The following SNTG1 variants were observed in gnomAD, a reference collection of about 807,000 sequenced individuals.
SNTG1 encodes the protein gamma-1-syntrophin.
In SNTG1, 39 loss-of-function variants were observed where a neutral mutation model predicts 74.7. The observed-to-expected ratio is 0.52, with a 90% confidence interval of 0.40 to 0.68. The LOEUF (loss-of-function observed/expected upper bound fraction) is 0.68. Ranked by LOEUF, SNTG1 falls within the 30% of genes least tolerant of loss-of-function variation. The pLI is 0.00. For synonymous variants in SNTG1, 254 were observed against 217.1 expected (o/e 1.17, Z -1.49); for missense variants, 685 against 609.5 (o/e 1.12, Z -1.30).
chr8:50,433,227 ATTAC>A (rs924597608), intron 4 of SNTG1, among the ~76,000 whole-genome samples: 44 of 152,312 alleles, frequency 2.9e-4, no homozygotes, highest in African/African-American at 9.4e-4. Flanking sequence ...ACTTGCTATA[ATTAC>A]TTACCACTTC....
intron 13 of SNTG1, among the ~76,000 whole-genome samples, chr8:50,656,063 A>T (rs2095178459): frequency 1.3e-5 from 2 of 152,202 alleles, no homozygotes; most frequent in South Asian, 2.1e-4. Context: ...AAAAGAAAAA[A>T]ATATCTAGGA....
At chr8:50,084,327 AGTGGG>A (rs1822680652) in intron 1 of SNTG1, among the ~76,000 whole-genome samples, 1 of 152,046 alleles carries the variant, frequency 6.6e-6, no homozygotes, top group Admixed American at 6.6e-5. Flanking sequence ...CTGGCATGGT[AGTGGG>A]CACCTGTAGT....
chr8:50,389,309 T>A (rs987469565), intron 2 of SNTG1, among the ~76,000 whole-genome samples: 1 of 152,132 alleles, frequency 6.6e-6, no homozygotes, highest in Non-Finnish European at 1.5e-5. Context: ...ATTGCACAAC[T>A]GAGCACATGA....
At chr8:50,443,770 C>T (rs2093379923) in intron 5 of SNTG1, among the ~76,000 whole-genome samples, 1 of 152,122 alleles carries the variant, frequency 6.6e-6, no homozygotes, top group Non-Finnish European at 1.5e-5. Context: ...AAATAAATTA[C>T]CTCAAAACTC....
At chr8:50,185,595 A>G (rs1013010429) in intron 2 of SNTG1, among the ~76,000 whole-genome samples, 2 of 152,348 alleles carry the variant, frequency 1.3e-5, no homozygotes, top group South Asian at 4.1e-4. Context: ...ATAAATGTAT[A>G]TGTGAAAACT....
intron 18 of SNTG1, among the ~76,000 whole-genome samples, chr8:50,777,482 C>CTT (rs1165885106): frequency 1.3e-5 from 2 of 150,328 alleles, no homozygotes; most frequent in Non-Finnish European, 3.0e-5. Flanking sequence ...TCTTTTATTT[C>CTT]TTCCTAGGGT....
intron 13 of SNTG1, among the ~76,000 whole-genome samples, chr8:50,645,607 G>A (rs1463711008): frequency 6.6e-6 from 1 of 152,076 alleles, no homozygotes; most frequent in African/African-American, 2.4e-5. Context: ...CCTCCAGAGA[G>A]AATTTACTTT....
chr8:50,092,540 G>C (rs949221185), intron 1 of SNTG1, among the ~76,000 whole-genome samples: 7 of 152,096 alleles, frequency 4.6e-5, no homozygotes, highest in Admixed American at 4.6e-4. Context: ...TTGGCTTCAG[G>C]ACTCCCTGAT....
At chr8:50,340,462 C>T (rs2130932668) in intron 2 of SNTG1, among the ~76,000 whole-genome samples, 1 of 152,056 alleles carries the variant, frequency 6.6e-6, no homozygotes, top group East Asian at 1.9e-4. Context: ...GCAAAGACCA[C>T]AAAGAAAGGA....
At chr8:50,227,522 T>C (rs1167562089) in intron 2 of SNTG1, among the ~76,000 whole-genome samples, 1 of 152,078 alleles carries the variant, frequency 6.6e-6, no homozygotes, top group East Asian at 1.9e-4. Flanking sequence ...TAAGAGAATA[T>C]CTCTGGAGAA....
intron 1 of SNTG1, among the ~76,000 whole-genome samples, chr8:50,141,243 C>T (rs1166921772): frequency 6.6e-6 from 1 of 152,176 alleles, no homozygotes; most frequent in Non-Finnish European, 1.5e-5. Flanking sequence ...TGCAGGATTG[C>T]TACATCAGAT....
intron 18 of SNTG1, among the ~76,000 whole-genome samples, chr8:50,767,710 G>A (rs2095617248): frequency 6.6e-6 from 1 of 151,906 alleles, no homozygotes; most frequent in Non-Finnish European, 1.5e-5. Flanking sequence ...TAGGCTTACT[G>A]ATATATTCTC....
Position 50,628,503 on chromosome 8 carries a change from G to C in SNTG1, c.850-28406G>C, listed in dbSNP as rs1369250987. Among the ~76,000 whole-genome samples the C allele has an allele frequency of 2.6e-5, 4 of 152,120 alleles. No homozygotes were observed. In the East Asian group the frequency reaches 7.7e-4, roughly 29 times the overall value. On this transcript the variant is annotated intron_variant, in intron 13 of 18. Coordinates refer to ENST00000642720, the MANE Select transcript of SNTG1 (RefSeq NM_018967.5). Reference sequence around the variant, plus strand: ...TTTGCTTCTCTTCCAGAACTGTCATGTTCTAGTCAATCTTTTTACATTTAT... The same window carrying C: ...TTTGCTTCTCTTCCAGAACTGTCATCTTCTAGTCAATCTTTTTACATTTAT...
chr8:50,273,294 T>C (rs1164678202), intron 2 of SNTG1, among the ~76,000 whole-genome samples: 3 of 152,158 alleles, frequency 2.0e-5, no homozygotes, highest in African/African-American at 7.2e-5. Context: ...TCCAAAATGG[T>C]TCAAAATGTT....
At chr8:50,429,916 T>C (rs2093212759) in intron 4 of SNTG1, among the ~76,000 whole-genome samples, 1 of 152,154 alleles carries the variant, frequency 6.6e-6, no homozygotes, top group African/African-American at 2.4e-5. Flanking sequence ...TATACAACTT[T>C]ATATCAATTA....
At chr8:50,090,207 C>T (rs938366845) in intron 1 of SNTG1, among the ~76,000 whole-genome samples, 1 of 152,120 alleles carries the variant, frequency 6.6e-6, no homozygotes, top group African/African-American at 2.4e-5. Context: ...CTATATTACT[C>T]AGGCTGTTTC....
chr8:50,452,088 A>C (rs1437382715), intron 8 of SNTG1, among the ~76,000 whole-genome samples: 1 of 152,194 alleles, frequency 6.6e-6, no homozygotes. Context: ...TGTCTGTGAA[A>C]AGCCACGGCT....
intron 1 of SNTG1, among the ~76,000 whole-genome samples, chr8:50,014,226 A>C (rs940383902): frequency 1.1e-4 from 16 of 152,266 alleles, no homozygotes; most frequent in African/African-American, 3.4e-4. Flanking sequence ...CCCAGAGCAC[A>C]GTCAATATTT....
chr8:49,944,036 A>G (rs1321539197), intron 1 of SNTG1, among the ~76,000 whole-genome samples: 1 of 152,194 alleles, frequency 6.6e-6, no homozygotes, highest in East Asian at 1.9e-4. Context: ...TTATCACTGA[A>G]GTATTTGTTG....
Sources: allele counts gnomAD v4.1 joint callset (sites outside exome capture counted in the v4.1 genomes callset), GRCh38; gene constraint gnomAD v4.1.1; transcripts MANE v1.5; gene names NCBI Gene and HGNC (gene_info 2026-07-23, HGNC 2026-07-21).